Variants in ST6GALNAC3 observed in about 807,000 individuals in gnomAD.
ST6GALNAC3 encodes the protein alpha-N-acetylgalactosaminide alpha-2,6-sialyltransferase 3.
A neutral mutation model predicts 32.7 loss-of-function variants in ST6GALNAC3; 25 were observed. The ratio of observed to expected loss-of-function variants is 0.76; its 90% CI spans 0.56 to 1.07. ST6GALNAC3 has a LOEUF of 1.07. ST6GALNAC3 is among the 50% of genes least tolerant of loss of function. The pLI is 0.00. For synonymous variants in ST6GALNAC3, 129 were observed against 133.1 expected, an observed-to-expected ratio of 0.97 and a Z score of 0.21; for missense variants, 355 against 382.4, an observed-to-expected ratio of 0.93 and a Z score of 0.60.
intron 3 of ST6GALNAC3, among the ~76,000 whole-genome samples, chr1:76,592,965 A>T (rs1053569898): frequency 1.3e-5 from 2 of 151,596 alleles, no homozygotes. Context: ...TCTTTTCCAC[A>T]TACAAAGAAC....
chr1:76,516,120 A>T (rs1444855921), intron 3 of ST6GALNAC3, among the ~76,000 whole-genome samples: 3 of 152,180 alleles, frequency 2.0e-5, no homozygotes, highest in Admixed American at 2.0e-4. Context: ...GGGCATGCAT[A>T]TGCTGGAAAG....
chr1:76,586,997 T>C (rs1182848990), intron 3 of ST6GALNAC3, among the ~76,000 whole-genome samples: 1 of 152,226 alleles, frequency 6.6e-6, no homozygotes, highest in Non-Finnish European at 1.5e-5. Flanking sequence ...TCCATAACCT[T>C]TAAGTTAGAC....
At chr1:76,080,341 G>GA (rs1646876209) in intron 1 of ST6GALNAC3, among the ~76,000 whole-genome samples, 1 of 152,240 alleles carries the variant, frequency 6.6e-6, no homozygotes, top group East Asian at 1.9e-4. Flanking sequence ...CCTGTCTTCT[G>GA]AAAACAGCTG....
chr1:76,609,010 T>G (rs974573996), intron 3 of ST6GALNAC3, among the ~76,000 whole-genome samples: 2 of 152,216 alleles, frequency 1.3e-5, no homozygotes, highest in African/African-American at 4.8e-5. Flanking sequence ...CATTGTACTT[T>G]CTAACTGTTG....
chr1:76,529,701 C>T (rs1454203015), intron 3 of ST6GALNAC3, among the ~76,000 whole-genome samples: 2 of 152,074 alleles, frequency 1.3e-5, no homozygotes, highest in African/African-American at 4.8e-5. Flanking sequence ...GGAAAAGATA[C>T]ACAGTAAAAT....
intron 1 of ST6GALNAC3, among the ~76,000 whole-genome samples, chr1:76,293,362 C>T (rs574047544): frequency 5.9e-5 from 9 of 152,200 alleles, no homozygotes; most frequent in Non-Finnish European, 1.2e-4. Context: ...CCTCATCTCT[C>T]CCTATGCTGG....
intron 1 of ST6GALNAC3, among the ~76,000 whole-genome samples, chr1:76,296,305 A>G (rs560415058): frequency 3.3e-5 from 5 of 151,572 alleles, no homozygotes; most frequent in Admixed American, 2.0e-4. Flanking sequence ...TTTTTGTGCA[A>G]TGAAATGGTT....
At chr1:76,181,705 A>C (rs1653192344) in intron 1 of ST6GALNAC3, among the ~76,000 whole-genome samples, 1 of 152,240 alleles carries the variant, frequency 6.6e-6, no homozygotes, top group African/African-American at 2.4e-5. Context: ...TAGTTTGCTT[A>C]TTAACCAGGT....
chr1:76,263,840 T>A (rs185810589), intron 1 of ST6GALNAC3, among the ~76,000 whole-genome samples: 126 of 152,306 alleles, frequency 8.3e-4, no homozygotes, highest in Admixed American at 1.8e-3. Context: ...TTTTTTTTTT[T>A]AAGCCTTTTA....
chr1:76,607,390 T>C (rs950664998), intron 3 of ST6GALNAC3, among the ~76,000 whole-genome samples: 7 of 152,232 alleles, frequency 4.6e-5, no homozygotes, highest in Non-Finnish European at 7.4e-5. Flanking sequence ...TTCTCTCCTA[T>C]CCCCTTACAC....
At chr1:76,568,082 C>T (rs1408708686) in intron 3 of ST6GALNAC3, among the ~76,000 whole-genome samples, 1 of 152,156 alleles carries the variant, frequency 6.6e-6, no homozygotes, top group African/African-American at 2.4e-5. Context: ...CTTTCATATT[C>T]CCAGCGCCTA....
chr1:76,532,801 T>G (rs1433754898), intron 3 of ST6GALNAC3, among the ~76,000 whole-genome samples: 2 of 152,148 alleles, frequency 1.3e-5, no homozygotes, highest in African/African-American at 2.4e-5. Context: ...TTGTATGATT[T>G]TCAGAGCTTC....
intron 1 of ST6GALNAC3, among the ~76,000 whole-genome samples, chr1:76,100,105 C>A (rs1405556560): frequency 6.6e-6 from 1 of 151,996 alleles, no homozygotes; most frequent in Non-Finnish European, 1.5e-5. Context: ...AAAATTATAT[C>A]CAGCAATCTT....
chr1:76,334,452 A>G (rs1341768830), intron 2 of ST6GALNAC3, among the ~76,000 whole-genome samples: 1 of 152,248 alleles, frequency 6.6e-6, no homozygotes, highest in African/African-American at 2.4e-5. Context: ...TTAAATGCAT[A>G]CTACATGCAG....
chr1:76,179,145 G>A (rs1397574330), intron 1 of ST6GALNAC3, among the ~76,000 whole-genome samples: 1 of 152,158 alleles, frequency 6.6e-6, no homozygotes, highest in East Asian at 1.9e-4. Context: ...TCCCAGCCTG[G>A]TGGAAAGGAC....
At chr1:76,543,153 C>T (rs1205905608) in intron 3 of ST6GALNAC3, among the ~76,000 whole-genome samples, 1 of 152,158 alleles carries the variant, frequency 6.6e-6, no homozygotes, top group African/African-American at 2.4e-5. Context: ...GTAATTTTGA[C>T]AAAGATAACA....
At chr1:76,592,520 TG>T (rs1647064537) in intron 3 of ST6GALNAC3, among the ~76,000 whole-genome samples, 1 of 152,132 alleles carries the variant, frequency 6.6e-6, no homozygotes, top group South Asian at 2.1e-4. Context: ...GAGAGACCAC[TG>T]GGCGTCTTAT....
chr1:76,350,880 C>T (rs569736415), intron 2 of ST6GALNAC3, among the ~76,000 whole-genome samples: 4 of 152,252 alleles, frequency 2.6e-5, no homozygotes, highest in Admixed American at 2.6e-4. Context: ...TTATTTTCAA[C>T]ACCACATCTC....
intron 1 of ST6GALNAC3, among the ~76,000 whole-genome samples, chr1:76,245,516 G>T (rs1289133481): frequency 3.9e-5 from 6 of 152,060 alleles, no homozygotes; most frequent in African/African-American, 1.4e-4. Context: ...TTTTAATTTT[G>T]ATGTTAGGGT....
Sources: gnomAD v4.1 joint callset for allele counts (sites outside exome capture counted in the v4.1 genomes callset) on GRCh38, gnomAD v4.1.1 for gene constraint, MANE v1.5 for transcripts, NCBI Gene and HGNC (gene_info 2026-07-23, HGNC 2026-07-21) for gene names.